ITGB5: variants seen among roughly 807,000 people sequenced by gnomAD.
ITGB5 encodes integrin subunit beta 5.
Under a neutral mutation model 84.8 loss-of-function variants are expected in ITGB5, and 38 were observed. That is an observed-to-expected ratio of 0.45 (90% CI 0.35 to 0.59). ITGB5 has a LOEUF of 0.59. ITGB5 is among the 20% of genes least tolerant of loss of function. The probability of loss-of-function intolerance (pLI) is 0.01; values close to 1 mark genes in which losing one functional copy is unlikely to be tolerated. For synonymous variants in ITGB5, 393 were observed against 414.4 expected (o/e 0.95, Z 0.63); for missense variants, 905 against 1,034.5 (o/e 0.87, Z 1.72).
At chr3:124,842,114 A>C (rs1655613557) in intron 4 of ITGB5, among the ~76,000 whole-genome samples, 1 of 152,268 alleles carries the variant, frequency 6.6e-6, no homozygotes, top group South Asian at 2.1e-4. Flanking sequence ...CAGGAATGAA[A>C]ACATCTTATC....
intron 3 of ITGB5, among the ~76,000 whole-genome samples, chr3:124,853,449 G>A (rs780940466): frequency 2.0e-5 from 3 of 152,148 alleles, no homozygotes; most frequent in Non-Finnish European, 4.4e-5. Flanking sequence ...TGGAACCAAG[G>A]AACAAGTCAC....
chr3:124,862,681 G>C (rs1033976323), intron 2 of ITGB5: 1 of 152,180 alleles, frequency 6.6e-6, no homozygotes, highest in East Asian at 1.9e-4. Flanking sequence ...CAGCTCTGGG[G>C]CTTCTTTATT....
chr3:124,854,682 T>A (rs2065199246), intron 3 of ITGB5, among the ~76,000 whole-genome samples: 1 of 152,224 alleles, frequency 6.6e-6, no homozygotes, highest in Admixed American at 6.5e-5. Context: ...AATCAGACAG[T>A]GGTGTTGACT....
At chr3:124,794,831 GGGA>G (rs2064198569) in intron 10 of ITGB5, among the ~76,000 whole-genome samples, 1 of 151,348 alleles carries the variant, frequency 6.6e-6, no homozygotes, top group East Asian at 1.9e-4. Context: ...GAAGGGAGAA[GGGA>G]GGAGAAGGAG....
intron 1 of ITGB5, among the ~76,000 whole-genome samples, chr3:124,898,215 G>A (rs1035859659): frequency 2.2e-4 from 15 of 68,414 alleles, no homozygotes; most frequent in African/African-American, 9.2e-4. Flanking sequence ...GATGCTTTGA[G>A]GTCTTTTTTT....
At chr3:124,819,311 G>C (rs900648601) in intron 7 of ITGB5, among the ~76,000 whole-genome samples, 1 of 152,256 alleles carries the variant, frequency 6.6e-6, no homozygotes, top group South Asian at 2.1e-4. Context: ...GAATTTCTGC[G>C]CCAGACTAGC....
At chr3:124,828,011 C>A (rs2064808243) in intron 5 of ITGB5, among the ~76,000 whole-genome samples, 1 of 151,904 alleles carries the variant, frequency 6.6e-6, no homozygotes, top group Non-Finnish European at 1.5e-5. Flanking sequence ...GCTCCCTTCG[C>A]TGACTCTCTT....
At chr3:124,816,234 G>A (rs2064590254) in intron 8 of ITGB5, among the ~76,000 whole-genome samples, 2 of 152,190 alleles carry the variant, frequency 1.3e-5, no homozygotes, top group Non-Finnish European at 2.9e-5. Context: ...CCAAGCCCCA[G>A]GGTTCCCCCT....
intron 11 of ITGB5, among the ~76,000 whole-genome samples, chr3:124,771,122 A>AAAAT (rs2063836734): frequency 6.6e-6 from 1 of 152,018 alleles, no homozygotes; most frequent in Non-Finnish European, 1.5e-5. Context: ...GTCATGTACT[A>AAAAT]AAATAAGTCT....
At chr3:124,841,346 C>G in intron 5 of ITGB5, 37 bp downstream of exon 5, 1 of 1,598,012 alleles carries the variant, frequency 6.3e-7, no homozygotes, top group Non-Finnish European at 8.5e-7. Flanking sequence ...CTACCTTGAC[C>G]TCCCCATGCA....
chr3:124,775,987 G>A (rs1434441917), intron 10 of ITGB5, among the ~76,000 whole-genome samples: 1 of 152,242 alleles, frequency 6.6e-6, no homozygotes, highest in African/African-American at 2.4e-5. Context: ...CACAGCAAAT[G>A]TGTGCTGAGC....
intron 9 of ITGB5, among the ~76,000 whole-genome samples, chr3:124,799,835 G>T (rs563697982): frequency 6.6e-6 from 1 of 152,276 alleles, no homozygotes; most frequent in South Asian, 2.1e-4. Context: ...ACCTCATCGG[G>T]GTGCGCAGGG....
intron 5 of ITGB5, among the ~76,000 whole-genome samples, chr3:124,832,512 G>C (rs1246452772): frequency 6.6e-6 from 1 of 152,218 alleles, no homozygotes; most frequent in South Asian, 2.1e-4. Flanking sequence ...GTGATCAACA[G>C]CATCATTAGC....
chr3:124,859,410 C>T lies in ITGB5; in HGVS notation c.193G>A (p.Asp65Asn), dbSNP rs199800023. The T allele has an allele frequency of 1.1e-4, 180 of 1,614,108 alleles. 1 individual carries two copies. In the East Asian group the frequency reaches 3.9e-3, roughly 35 times the overall value. ...TTTTTGACAAGGTTTGCCCTCAGATCACACCGAGAGGTGATGGACCGTGGG... is the reference window on the plus strand; with the variant it reads ...TTTTTGACAAGGTTTGCCCTCAGATTACACCGAGAGGTGATGGACCGTGGG... ...GSPRSITSRC[D>N]LRANLVKNGC... Residue 65 changes from aspartate (D) to asparagine (N), a missense_variant, in exon 3 of 15, where the codon GAT (aspartate) becomes AAT (asparagine). Coordinates refer to ENST00000296181, the MANE Select transcript of ITGB5 (RefSeq NM_002213.5).
chr3:124,814,963 A>G (rs2064564199), intron 8 of ITGB5, among the ~76,000 whole-genome samples: 1 of 151,672 alleles, frequency 6.6e-6, no homozygotes, highest in Non-Finnish European at 1.5e-5. Context: ...CCCACTCCCC[A>G]TCAGCAGGGA....
rs200660334 is a variant in ITGB5, at chr3:124,841,470, A to G, written c.693T>C (p.Asn231=). The change falls in exon 5 of 15, where the codon AAT becomes AAC. Residue 231 remains asparagine, a synonymous_variant. Coordinates refer to ENST00000296181, the MANE Select transcript of ITGB5 (RefSeq NM_002213.5). ...LPLTDRVDSF[N]EEVRKQRVSR... Reference sequence around the variant, plus strand: ...ACACCCTCTGTTTCCGAACTTCCTCATTGAAGCTGTCCACTCTGTCTGTGA... The same window carrying G: ...ACACCCTCTGTTTCCGAACTTCCTCGTTGAAGCTGTCCACTCTGTCTGTGA... 3.3e-5 allele frequency: 54 copies of G among 1,614,208 alleles called. No individual in the cohort carries two copies. The highest frequency in any genetic ancestry group is 4.1e-5 in the Non-Finnish European group (48 of 1,180,024).
chr3:124,788,787 G>A (rs1371360034), intron 10 of ITGB5, among the ~76,000 whole-genome samples: 1 of 152,206 alleles, frequency 6.6e-6, no homozygotes, highest in Non-Finnish European at 1.5e-5. Context: ...AAACTGAGCA[G>A]AGATTAATGT....
intron 10 of ITGB5, among the ~76,000 whole-genome samples, chr3:124,776,358 C>G (rs1351294451): frequency 6.6e-6 from 1 of 152,234 alleles, no homozygotes; most frequent in Non-Finnish European, 1.5e-5. Flanking sequence ...CCTCTGGCCT[C>G]AGGGAGCACA....
chr3:124,796,894 G>C, intron 9 of ITGB5, 77 bp from the exon 10 acceptor site: 1 of 1,429,124 alleles, frequency 7.0e-7, no homozygotes, highest in Non-Finnish European at 9.5e-7. Context: ...CAGGGCCCTT[G>C]ATGAAGAGCA....
Sources: gnomAD v4.1 joint callset for allele counts (sites outside exome capture counted in the v4.1 genomes callset) on GRCh38, gnomAD v4.1.1 for gene constraint, MANE v1.5 for transcripts, NCBI Gene and HGNC (gene_info 2026-07-23, HGNC 2026-07-21) for gene names.